The following SCAPER variants were observed in gnomAD, a reference collection of about 807,000 sequenced individuals.
SCAPER encodes the protein S-phase cyclin A associated protein in the ER, also known as S phase cyclin A-associated protein in the endoplasmic reticulum.
A neutral mutation model predicts 182.2 loss-of-function variants in SCAPER; 98 were observed. The ratio of observed to expected loss-of-function variants is 0.54; its 90% confidence interval spans 0.46 to 0.64. The LOEUF (loss-of-function observed/expected upper bound fraction) is 0.64. Among genes scored for constraint, SCAPER ranks in the 30% least tolerant of loss-of-function variants. The pLI, the probability that SCAPER is intolerant of heterozygous loss-of-function variation, is 0.00. For synonymous variants in SCAPER, 605 were observed against 564.6 expected (o/e 1.07, Z -1.01); for missense variants, 1,432 against 1,690.0 (o/e 0.85, Z 2.68).
intron 23 of SCAPER, among the ~76,000 whole-genome samples, chr15:76,537,229 T>G (rs1445225414): frequency 6.6e-6 from 1 of 150,460 alleles, no homozygotes; most frequent in African/African-American, 2.4e-5. Flanking sequence ...TTAAAGTTCA[T>G]ATGGAACCAA....
intron 2 of SCAPER, 80 bp downstream of exon 2, chr15:76,883,732 T>C: frequency 8.6e-7 from 1 of 1,156,768 alleles, no homozygotes; most frequent in Non-Finnish European, 1.2e-6. Flanking sequence ...ATGAAACAAC[T>C]ATTACATTAA....
chr15:76,559,009 TGTGATA>T (rs1351391259), intron 23 of SCAPER, among the ~76,000 whole-genome samples: 1 of 151,864 alleles, frequency 6.6e-6, no homozygotes. Flanking sequence ...AAGCTGTTCT[TGTGATA>T]GTGAGTGAGT....
chr15:76,691,178 A>G (rs1295169425), intron 20 of SCAPER, among the ~76,000 whole-genome samples: 1 of 152,102 alleles, frequency 6.6e-6, no homozygotes, highest in Non-Finnish European at 1.5e-5. Flanking sequence ...TGCTCAGTGG[A>G]CAGACACAAA....
At chr15:76,404,458 G>C (rs2044680099) in intron 27 of SCAPER, 66 bp downstream of exon 27, 2 of 1,504,948 alleles carry the variant, frequency 1.3e-6, no homozygotes, top group African/African-American at 1.4e-5. Context: ...AATGACCCTA[G>C]AATGGGCAAA....
intron 22 of SCAPER, among the ~76,000 whole-genome samples, chr15:76,593,352 C>G (rs1468369915): frequency 8.2e-6 from 1 of 121,506 alleles, no homozygotes; most frequent in Non-Finnish European, 2.0e-5. Context: ...TCCCATCTCC[C>G]TGGGGCAGAG....
chr15:76,713,630 G>T (rs1038852599), intron 17 of SCAPER, among the ~76,000 whole-genome samples: 1 of 152,070 alleles, frequency 6.6e-6, no homozygotes, highest in South Asian at 2.1e-4. Context: ...GGACTGTTGT[G>T]GGGTGGGGGG....
intron 2 of SCAPER, among the ~76,000 whole-genome samples, chr15:76,864,536 T>G (rs1369158500): frequency 2.0e-5 from 3 of 152,266 alleles, no homozygotes; most frequent in South Asian, 4.1e-4. Context: ...ACTGGTTAAT[T>G]TTTACTCTTT....
chr15:76,663,071 T>C (rs2146723027), intron 21 of SCAPER, among the ~76,000 whole-genome samples: 1 of 152,290 alleles, frequency 6.6e-6, no homozygotes, highest in South Asian at 2.1e-4. Context: ...ATCTGTCTGA[T>C]AACTTGCAGT....
In SCAPER at chr15:76,351,263, G is replaced by T; in HGVS notation, c.4073C>A (p.Ala1358Glu). ...IQDLAQTPGQAENQPYQPKGK... is the reference protein window; with the variant it reads ...IQDLAQTPGQEENQPYQPKGK... ...TTTGGGTTGGTAAGGCTGGTTTTCC[G>T]CTTGACCTGGAGTCTGTGCCAAATC... Residue 1358 changes from alanine (A) to glutamate (E), a missense_variant, in exon 31 of 32, where the codon GCG (alanine) becomes GAG (glutamate). Ala to Glu is a moderately radical substitution (Grantham distance 107). This residue lies in a region of SCAPER where 718 missense variants were observed against 799.7 expected (regional missense o/e 0.90). Coordinates refer to ENST00000563290, the MANE Select transcript of SCAPER (RefSeq NM_020843.4). 6.2e-7 allele frequency: 1 copy of T among 1,609,896 alleles called. No homozygotes were observed. Among genetic ancestry groups the T allele is most frequent in the Non-Finnish European group, 8.5e-7 (1 of 1,177,960 alleles).
intron 22 of SCAPER, among the ~76,000 whole-genome samples, chr15:76,620,327 T>C (rs1364727857): frequency 3.9e-5 from 6 of 152,078 alleles, no homozygotes; most frequent in Non-Finnish European, 7.4e-5. Flanking sequence ...GCTCAGTAAA[T>C]GTTACCTATT....
chr15:76,856,556 T>C (rs1199125855), intron 4 of SCAPER, among the ~76,000 whole-genome samples: 2 of 151,544 alleles, frequency 1.3e-5, no homozygotes, highest in East Asian at 3.9e-4. Context: ...TATATATGTA[T>C]ATAAAATCAT....
At chr15:76,615,177 T>C (rs1174330722) in intron 22 of SCAPER, among the ~76,000 whole-genome samples, 1 of 152,050 alleles carries the variant, frequency 6.6e-6, no homozygotes, top group East Asian at 1.9e-4. Context: ...CTACCAAGCA[T>C]TTAAAGAAGA....
At chr15:76,898,494 T>C (rs928297715) in intron 1 of SCAPER, among the ~76,000 whole-genome samples, 3 of 152,246 alleles carry the variant, frequency 2.0e-5, no homozygotes, top group Non-Finnish European at 2.9e-5. Context: ...GTGCAAGATG[T>C]TCATGAACTG....
chr15:76,429,444 G>A (rs2046705623), intron 26 of SCAPER, among the ~76,000 whole-genome samples: 1 of 152,152 alleles, frequency 6.6e-6, no homozygotes, highest in Non-Finnish European at 1.5e-5. Context: ...TTGTTGAATG[G>A]CTTTGACCAA....
At chr15:76,466,765 T>C (rs533283913) in intron 25 of SCAPER, among the ~76,000 whole-genome samples, 18 of 145,156 alleles carry the variant, frequency 1.2e-4, no homozygotes, top group South Asian at 1.2e-3. Flanking sequence ...TCTGAAAACT[T>C]TGGGGGGGAT....
At chr15:76,871,955 T>C (rs1413858717) in intron 2 of SCAPER, among the ~76,000 whole-genome samples, 2 of 151,886 alleles carry the variant, frequency 1.3e-5, no homozygotes, top group Admixed American at 6.6e-5. Context: ...CTATAAGATA[T>C]ACCTTTTCAT....
At chr15:76,480,774 A>C (rs933807693) in intron 24 of SCAPER, among the ~76,000 whole-genome samples, 4 of 152,032 alleles carry the variant, frequency 2.6e-5, no homozygotes, top group Non-Finnish European at 5.9e-5. Context: ...TCTGTCACCC[A>C]GGCTGGAGTG....
intron 1 of SCAPER, among the ~76,000 whole-genome samples, chr15:76,888,756 G>A (rs1422721972): frequency 6.6e-6 from 1 of 152,176 alleles, no homozygotes; most frequent in Non-Finnish European, 1.5e-5. Flanking sequence ...ACACTCTTCA[G>A]GGTATTATCC....
At chr15:76,434,332 T>G in intron 25 of SCAPER, 22 bp from the exon 26 acceptor site, 1 of 1,534,434 alleles carries the variant, frequency 6.5e-7, no homozygotes. Flanking sequence ...AAAAGTACAG[T>G]AAATATGTTT....
Sources: gnomAD v4.1 joint callset for allele counts (sites outside exome capture counted in the v4.1 genomes callset) on GRCh38, gnomAD v4.1.1 for gene constraint, gnomAD v4.1.1 regional missense constraint, MANE v1.5 for transcripts, NCBI Gene and HGNC (gene_info 2026-07-23, HGNC 2026-07-21) for gene names.